The following PRSS37 variants were observed in gnomAD, a reference collection of about 807,000 sequenced individuals.
The protein encoded by PRSS37 is probable inactive serine protease 37.
In PRSS37, 25 loss-of-function variants were observed where a neutral mutation model predicts 28.0. That is an observed-to-expected ratio of 0.89 (90% CI 0.65 to 1.25). The LOEUF (loss-of-function observed/expected upper bound fraction) is 1.25, where lower values mean the gene tolerates loss of function less well. Among genes scored for constraint, PRSS37 ranks in the 50% most tolerant of loss-of-function variants. The pLI is 0.00. For synonymous variants in PRSS37, 109 were observed against 107.8 expected, an observed-to-expected ratio of 1.01 and a Z score of -0.07; for missense variants, 282 against 292.2, an observed-to-expected ratio of 0.97 and a Z score of 0.25.
Position 141,838,300 on chromosome 7 carries a change from A to G in PRSS37, c.177-187T>C, listed in dbSNP as rs117438461. On this transcript the variant is annotated intron_variant, in intron 2 of 4. Transcript: ENST00000350549. ...AGCACATGAATTAATGGGGGCACAT[A>G]GGAGTAATTCACTCAGGGTGATATA... 1,146 of 1,427,860 alleles carry G rather than the reference A, an allele frequency of 8.0e-4. 12 individuals carry two copies. In the East Asian group the frequency reaches 0.025, roughly 32 times the overall value. The allele number at this position is 1,427,860 out of a possible 1,614,324, so 88.4% of individuals were successfully genotyped here. A position where few individuals can be genotyped will look rare whatever the true frequency, so the allele number is the denominator to read the frequency against.
intron 3 of PRSS37, 54 bp downstream of exon 3, chr7:141,837,806 G>A (rs1801011460): frequency 1.3e-6 from 2 of 1,580,034 alleles, no homozygotes; most frequent in Admixed American, 1.7e-5. Context: ...GGATATGGAT[G>A]TTCCTCCTAA....
chr7:141,840,876 G>A, intron 1 of PRSS37, 140 bp downstream of exon 1: 1 of 811,578 alleles, frequency 1.2e-6, no homozygotes, highest in East Asian at 2.6e-5. Flanking sequence ...TTTGGATGGA[G>A]TCTGAGAGGC....
At chr7:141,837,790 C>T in intron 3 of PRSS37, 70 bp downstream of exon 3, 1 of 1,573,326 alleles carries the variant, frequency 6.4e-7, no homozygotes, top group Non-Finnish European at 8.6e-7. Context: ...CTCCTCACAG[C>T]TATGAGGATA....
Position 141,836,523 on chromosome 7 carries a change from C to G in PRSS37, c.580G>C (p.Ala194Pro). The G allele has an allele frequency of 6.2e-7, 1 of 1,613,926 alleles. No homozygotes were observed. Among genetic ancestry groups the G allele is most frequent in the Non-Finnish European group, 8.5e-7 (1 of 1,179,988 alleles). ...FSRIFGEVAVATVICKDKLQG... is the reference protein window; with the variant it reads ...FSRIFGEVAVPTVICKDKLQG... The stretch of plus-strand genomic sequence containing the variant: ...AGCTTGTCTTTGCAGATGACAGTAG[C>G]AACGGCCACCTCCTACCGGAGATCA... Residue 194 changes from alanine to proline, a missense_variant, in exon 5 of 5, where the codon GCT (alanine) becomes CCT (proline). Physicochemically the swap from Ala to Pro is conservative, Grantham distance 27. Coordinates refer to ENST00000350549, the MANE Select transcript of PRSS37 (RefSeq NM_001008270.3).
chr7:141,838,005 G>C lies in PRSS37; in HGVS notation c.285C>G (p.Ala95=), dbSNP rs778849466. ...IVRYWNYSHS[A]PQDDLMLIKL... ...TGATGAGCATGAGGTCATCCTGTGG[G>C]GCGCTATGACTGTAGTTCCAGTAGC... Residue 95 remains alanine, a synonymous_variant, in exon 3 of 5, where the codon GCC becomes GCG. Transcript: ENST00000350549. The C allele has an allele frequency of 1.2e-6, 2 of 1,614,116 alleles. No homozygotes were observed. Among genetic ancestry groups the C allele is most frequent in the Admixed American group, 3.3e-5 (2 of 60,012 alleles).
rs150494902 is a variant in PRSS37, at chr7:141,841,105, C to A, written c.-56G>T. 184 of 1,610,574 alleles carry A rather than the reference C, an allele frequency of 1.1e-4. 3 individuals are homozygous for A. In the African/African-American group the frequency reaches 1.2e-3, roughly 11 times the overall value. ...AGAAGAAAATCAGCAGAGTGTGGAGCGGTTGGCTTAGTTGTCTTCTCAGGA... is the reference window on the plus strand; with the variant it reads ...AGAAGAAAATCAGCAGAGTGTGGAGAGGTTGGCTTAGTTGTCTTCTCAGGA... On this transcript the variant is annotated 5_prime_UTR_variant, in exon 1 of 5. Transcript: ENST00000350549.
At chr7:141,840,531 T>C (rs73171698) in intron 1 of PRSS37, among the ~76,000 whole-genome samples, 4,106 of 152,362 alleles carry the variant, frequency 0.027, 83 homozygotes, top group Non-Finnish European at 0.043. Flanking sequence ...CTCTATAATA[T>C]GGGTAGTCAT....
At chr7:141,839,012 TA>T (rs36029840) in intron 2 of PRSS37, 92,836 of 402,692 alleles carry the variant, frequency 0.23, no homozygotes, top group South Asian at 0.3. Flanking sequence ...ATACTGCCAG[TA>T]AAAAAAAAAA....
At chr7:141,838,762 C>CT (rs1801058054) in intron 2 of PRSS37, 1 of 315,238 alleles carries the variant, frequency 3.2e-6, no homozygotes, top group African/African-American at 2.2e-5. Flanking sequence ...ACAGGTCTCG[C>CT]TTTTTCTCTA....
Position 141,841,260 on chromosome 7 carries a change from G to T in PRSS37, c.-211C>A. 8.8e-7 allele frequency: 1 copy of T among 1,130,596 alleles called. No individual in the cohort carries two copies. Among genetic ancestry groups the T allele is most frequent in the Non-Finnish European group, 1.2e-6 (1 of 839,554 alleles). 70.0% of individuals were successfully genotyped at this position (1,130,596 alleles called of 1,614,324 possible). A position where few individuals can be genotyped will look rare whatever the true frequency, so the allele number is the denominator to read the frequency against. The stretch of plus-strand genomic sequence containing the variant: ...GATGAAAGCCCTCTGTTCCAGGGAA[G>T]GTGGAGGACTGTGCCTCTGTTGGGG... On this transcript the variant is annotated 5_prime_UTR_variant, in exon 1 of 5. Coordinates refer to ENST00000350549, the MANE Select transcript of PRSS37 (RefSeq NM_001008270.3).
Position 141,837,136 on chromosome 7 carries a change from C to T in PRSS37, c.543G>A (p.Val181=). 1.2e-6 allele frequency: 2 copies of T among 1,612,194 alleles called. No homozygotes were observed. The highest frequency in any genetic ancestry group is 1.7e-6 in the Non-Finnish European group (2 of 1,179,538). ...CCCCAAAAATTCGGCTGAATACTTTCACAAATTTCACACATAAGGAATTCC... is the reference window on the plus strand; with the variant it reads ...CCCCAAAAATTCGGCTGAATACTTTTACAAATTTCACACATAAGGAATTCC... ...SHRNSLCVKF[V]KVFSRIFGEV... The change falls in exon 4 of 5, where the codon GTG becomes GTA. Residue 181 remains valine, a synonymous_variant. Transcript: ENST00000350549.
chr7:141,836,990 G>T, intron 4 of PRSS37, 122 bp downstream of exon 4: 1 of 1,001,268 alleles, frequency 1.0e-6, no homozygotes, highest in Non-Finnish European at 1.5e-6. Context: ...TGCTGGCTTT[G>T]CAGCAGCCTT....
Position 141,837,152 on chromosome 7 carries a change from A to C in PRSS37, c.527T>G (p.Leu176Ter). Residue 176 changes from leucine (L) to a stop codon, truncating the protein, a stop_gained, in exon 4 of 5, where the codon TTA (leucine) becomes TGA (stop). Coordinates refer to ENST00000350549, the MANE Select transcript of PRSS37 (RefSeq NM_001008270.3). LOFTEE classifies it high-confidence loss of function. ...GAATACTTTCACAAATTTCACACAT[A>C]AGGAATTCCTGTGGCTTTTTCCTTG... ...TEQGKSHRNS[L>*]CVKFVKVFSR... The C allele has an allele frequency of 6.2e-7, 1 of 1,613,320 alleles. No individual in the cohort carries two copies. Among genetic ancestry groups the C allele is most frequent in the Non-Finnish European group, 8.5e-7 (1 of 1,179,812 alleles).
At chr7:141,836,568 AG>A in intron 4 of PRSS37, 33 bp from the exon 5 acceptor site, 1 of 1,611,390 alleles carries the variant, frequency 6.2e-7, no homozygotes, top group Non-Finnish European at 8.5e-7. Flanking sequence ...AGAGAGAGAG[AG>A]AGAGTAAGAG....
intron 2 of PRSS37, chr7:141,838,380 A>G: frequency 7.6e-7 from 1 of 1,317,730 alleles, no homozygotes; most frequent in South Asian, 1.9e-5. Context: ...AATGTAGTGG[A>G]GAGGAAGAGG....
chr7:141,839,420 A>G lies in PRSS37; in HGVS notation c.94T>C (p.Tyr32His). ...QKEDPAPYLV[Y>H]LKSHFNPCVG... ...CAGGGGTTGAAGTGAGACTTGAGGT[A>G]CACCAAATAGGGAGCAGGGTCTTCT... Residue 32 changes from tyrosine to histidine, a missense_variant, in exon 2 of 5, where the codon TAC becomes CAC. Coordinates refer to ENST00000350549, the MANE Select transcript of PRSS37 (RefSeq NM_001008270.3). The G allele has an allele frequency of 6.2e-7, 1 of 1,613,810 alleles. No homozygotes were observed. The highest frequency in any genetic ancestry group is 8.5e-7 in the Non-Finnish European group (1 of 1,179,730).
In PRSS37 at chr7:141,836,397, AC is replaced by A. The variant is rs369181242; in HGVS notation, c.705del (p.Lys235AsnfsTer21). 44 of 1,614,102 alleles carry A rather than the reference AC, an allele frequency of 2.7e-5. No homozygotes were observed. The African/African-American group carries it at 3.3e-4, about 12-fold the overall frequency. On this transcript the variant is annotated frameshift_variant, in exon 5 of 5. Transcript: ENST00000350549. LOFTEE classifies it high-confidence loss of function. ...VSWIENTAKD[K>X] ...AATGCAGAGGGAGAAGTAGGGTCTC[AC>A]TTGTCCTTAGCAGTGTTCTCAATCC...
chr7:141,838,229 A>T, intron 2 of PRSS37, 116 bp from the exon 3 acceptor site: 1 of 1,525,048 alleles, frequency 6.6e-7, no homozygotes, highest in South Asian at 1.2e-5. Context: ...TATGTCATTT[A>T]ACTCACAACA....
intron 4 of PRSS37, 94 bp downstream of exon 4, chr7:141,837,018 T>G (rs1185107501): frequency 3.8e-6 from 5 of 1,325,820 alleles, no homozygotes. Context: ...TCTCAAAAAA[T>G]TATTTAGACA....
Sources: gnomAD v4.1 joint callset for allele counts (sites outside exome capture counted in the v4.1 genomes callset) on GRCh38, gnomAD v4.1.1 for gene constraint, MANE v1.5 for transcripts, NCBI Gene and HGNC (gene_info 2026-07-23, HGNC 2026-07-21) for gene names.